ASTN2: variants seen among roughly 807,000 people sequenced by gnomAD.
ASTN2 encodes astrotactin 2, also known as astrotactin-2.
Under a neutral mutation model 139.8 loss-of-function variants are expected in ASTN2, and 54 were observed. The observed-to-expected ratio is 0.39, with a 90% confidence interval of 0.31 to 0.48. The LOEUF (loss-of-function observed/expected upper bound fraction) is 0.48, where lower values mean the gene tolerates loss of function less well. Ranked by LOEUF, ASTN2 falls within the 20% of genes least tolerant of loss-of-function variation. The pLI, the probability that ASTN2 is intolerant of heterozygous loss-of-function variation, is 0.95. For missense variants in ASTN2, 1,565 were observed against 1,725.1 expected, an observed-to-expected ratio of 0.91 and a Z score of 1.64; for synonymous variants, 756 against 719.5, an observed-to-expected ratio of 1.05 and a Z score of -0.81.
intron 19 of ASTN2, among the ~76,000 whole-genome samples, chr9:116,563,585 C>T (rs1264259601): frequency 2.0e-5 from 3 of 152,046 alleles, no homozygotes; most frequent in Admixed American, 6.6e-5. Context: ...CATCTCCTTC[C>T]GATCTTTGCT....
intron 1 of ASTN2, among the ~76,000 whole-genome samples, chr9:117,358,833 C>G (rs1480045331): frequency 1.3e-5 from 2 of 152,078 alleles, no homozygotes; most frequent in African/African-American, 4.8e-5. Flanking sequence ...TCGTTCCTCT[C>G]CCCATCCCTG....
chr9:116,634,575 G>A, intron 17 of ASTN2, among the ~76,000 whole-genome samples: 1 of 135,206 alleles, frequency 7.4e-6, no homozygotes, highest in Non-Finnish European at 1.5e-5. Context: ...GGGCGACAGA[G>A]CGAGACTCCG....
Position 117,301,082 on chromosome 9 carries a change from G to A in ASTN2, c.443-9569C>T, listed in dbSNP as rs563509923. Among the ~76,000 whole-genome samples, 51 of 152,232 alleles carry A rather than the reference G, an allele frequency of 3.4e-4. No individual in the cohort carries two copies. The South Asian group carries it at 9.8e-3, about 29-fold the overall frequency. Reference sequence around the variant, plus strand: ...TATTGGCAAGGGAGAAAAGCATATCGTTTCAGATTAGATTTGGAAATAGAT... The same window carrying A: ...TATTGGCAAGGGAGAAAAGCATATCATTTCAGATTAGATTTGGAAATAGAT... On this transcript the variant is annotated intron_variant, in intron 1 of 22. Coordinates refer to ENST00000313400, the MANE Select transcript of ASTN2 (RefSeq NM_001365068.1).
rs749841811 is a variant in ASTN2, at chr9:117,096,178, A to C, written c.1169-27T>G. 11 of 1,584,304 alleles carry C rather than the reference A, an allele frequency of 6.9e-6. No homozygotes were observed. The Admixed American group carries it at 1.5e-4, about 22-fold the overall frequency. On this transcript the variant is annotated intron_variant, in intron 4 of 22. Coordinates refer to ENST00000313400, the MANE Select transcript of ASTN2 (RefSeq NM_001365068.1). ...TGTGAGTAAGCACAGTCTATCAGTT[A>C]GTCTCCCAGGCCTCCAGAAGTTTGT...
At chr9:117,171,541 C>T (rs1830792947) in intron 3 of ASTN2, among the ~76,000 whole-genome samples, 1 of 152,120 alleles carries the variant, frequency 6.6e-6, no homozygotes, top group African/African-American at 2.4e-5. Context: ...CATATTGAAT[C>T]ATAATCCCCA....
At chr9:117,043,498 G>A (rs1433205849) in intron 5 of ASTN2, among the ~76,000 whole-genome samples, 1 of 152,158 alleles carries the variant, frequency 6.6e-6, no homozygotes, top group Non-Finnish European at 1.5e-5. Context: ...TTTTGGTCTG[G>A]GGAAAGAAGG....
At chr9:117,047,813 T>G (rs571795434) in intron 5 of ASTN2, among the ~76,000 whole-genome samples, 1 of 152,168 alleles carries the variant, frequency 6.6e-6, no homozygotes, top group African/African-American at 2.4e-5. Flanking sequence ...TGCTTAAGAT[T>G]ACTTTCTTAG....
intron 19 of ASTN2, among the ~76,000 whole-genome samples, chr9:116,510,068 C>T (rs974878436): frequency 1.2e-4 from 18 of 152,108 alleles, no homozygotes; most frequent in Admixed American, 3.9e-4. Flanking sequence ...GTTTGAGACA[C>T]GAAGTCCTTG....
chr9:116,905,517 G>T (rs747417475), intron 10 of ASTN2, among the ~76,000 whole-genome samples: 2 of 152,140 alleles, frequency 1.3e-5, no homozygotes, highest in Non-Finnish European at 2.9e-5. Flanking sequence ...GACCAGGTCG[G>T]TCTCCTTCAT....
At chr9:117,314,624 C>T (rs1322253341) in intron 1 of ASTN2, among the ~76,000 whole-genome samples, 3 of 144,864 alleles carry the variant, frequency 2.1e-5, no homozygotes, top group Non-Finnish European at 4.5e-5. Flanking sequence ...TTATAATATA[C>T]AATATATAAT....
intron 5 of ASTN2, among the ~76,000 whole-genome samples, chr9:117,094,554 T>C (rs955218077): frequency 5.3e-5 from 8 of 152,142 alleles, no homozygotes; most frequent in South Asian, 2.1e-4. Flanking sequence ...AAGCTGAGGA[T>C]TGCTTCTCAG....
chr9:116,527,181 AAACAAATAGGATTGCATCAAACT>A (rs1227708818), intron 19 of ASTN2, among the ~76,000 whole-genome samples: 8 of 152,196 alleles, frequency 5.3e-5, no homozygotes, highest in Admixed American at 3.9e-4. Flanking sequence ...AGGCAAAAAT[AAACAAATAGGATTGCATCAAACT>A]AAAATACAAA....
intron 16 of ASTN2, among the ~76,000 whole-genome samples, chr9:116,722,404 G>C (rs1478866518): frequency 6.6e-6 from 1 of 152,156 alleles, no homozygotes; most frequent in African/African-American, 2.4e-5. Context: ...TTTTAATCAG[G>C]CACATTCACC....
At chr9:116,839,882 T>TTA (rs1491254776) in intron 11 of ASTN2, among the ~76,000 whole-genome samples, 2,401 of 61,746 alleles carry the variant, frequency 0.039, 56 homozygotes, top group African/African-American at 0.14. Flanking sequence ...ATTATTATTA[T>TTA]TTTTTTTTTT....
At chr9:116,948,785 G>GTGTTTTTTTTTTT (rs1835470913) in intron 10 of ASTN2, among the ~76,000 whole-genome samples, 1 of 49,472 alleles carries the variant, frequency 2.0e-5, no homozygotes, top group African/African-American at 8.6e-5. Context: ...ATAATTTGGT[G>GTGTTTTTTTTTTT]TTTTTTTTTT....
At chr9:116,980,581 A>C (rs964161958) in intron 7 of ASTN2, among the ~76,000 whole-genome samples, 12 of 152,124 alleles carry the variant, frequency 7.9e-5, no homozygotes, top group African/African-American at 2.9e-4. Flanking sequence ...TAGATCACTC[A>C]TCACTTCTGA....
intron 16 of ASTN2, among the ~76,000 whole-genome samples, chr9:116,666,327 T>G (rs1230726957): frequency 6.6e-6 from 1 of 152,218 alleles, no homozygotes; most frequent in South Asian, 2.1e-4. Flanking sequence ...CAGACTTGTA[T>G]AGGGAAAAGA....
intron 19 of ASTN2, among the ~76,000 whole-genome samples, chr9:116,541,573 G>C (rs901898804): frequency 6.6e-6 from 1 of 152,152 alleles, no homozygotes; most frequent in Non-Finnish European, 1.5e-5. Flanking sequence ...AATTACAGCT[G>C]ATAGTACTAA....
At chr9:117,212,606 T>A (rs1832174040) in intron 3 of ASTN2, among the ~76,000 whole-genome samples, 1 of 151,276 alleles carries the variant, frequency 6.6e-6, no homozygotes, top group African/African-American at 2.4e-5. Flanking sequence ...AACCCTCCAA[T>A]CTAATAAAAA....
Sources: allele counts gnomAD v4.1 joint callset (sites outside exome capture counted in the v4.1 genomes callset), GRCh38; gene constraint gnomAD v4.1.1; transcripts MANE v1.5; gene names NCBI Gene and HGNC (gene_info 2026-07-23, HGNC 2026-07-21).